The following LPIN1 variants were observed in gnomAD, a reference collection of about 807,000 sequenced individuals.
The protein encoded by LPIN1 is phosphatidate phosphatase LPIN1.
A neutral mutation model predicts 107.5 loss-of-function variants in LPIN1; 71 were observed. The ratio of observed to expected loss-of-function variants is 0.66; its 90% CI spans 0.55 to 0.80. The LOEUF is 0.80. LPIN1 is among the 30% of genes least tolerant of loss of function. The pLI is 0.00. For synonymous variants in LPIN1, 445 were observed against 452.6 expected (o/e 0.98, Z 0.21); for missense variants, 1,043 against 1,160.6 (o/e 0.90, Z 1.47).
chr2:11,704,396 G>A (rs998622702), intron 1 of LPIN1, among the ~76,000 whole-genome samples: 4 of 152,192 alleles, frequency 2.6e-5, no homozygotes, highest in African/African-American at 7.2e-5. Context: ...CCCCACCCGG[G>A]GGAGGCAGAG....
chr2:11,777,730 C>T (rs1047510262), intron 6 of LPIN1, among the ~76,000 whole-genome samples: 1 of 152,202 alleles, frequency 6.6e-6, no homozygotes, highest in Admixed American at 6.5e-5. Flanking sequence ...GACCCCTGTT[C>T]GGAGCAAGCT....
chr2:11,759,692 TG>T (rs1419495873), intron 1 of LPIN1, among the ~76,000 whole-genome samples: 1 of 152,260 alleles, frequency 6.6e-6, no homozygotes, highest in African/African-American at 2.4e-5. Flanking sequence ...AATGAGCTGT[TG>T]GGTACACCTC....
chr2:11,705,785 T>A (rs532357867), intron 1 of LPIN1, among the ~76,000 whole-genome samples: 24 of 152,352 alleles, frequency 1.6e-4, no homozygotes, highest in Admixed American at 5.2e-4. Context: ...ATGCTTTTTT[T>A]ATATTTACTT....
chr2:11,796,301 C>T (rs1676706127), intron 14 of LPIN1, among the ~76,000 whole-genome samples: 1 of 152,206 alleles, frequency 6.6e-6, no homozygotes, highest in Non-Finnish European at 1.5e-5. Flanking sequence ...TCAACCGTCA[C>T]TGAACCACTG....
chr2:11,811,865 G>A lies in LPIN1; in HGVS notation c.2250-3223G>A, dbSNP rs1347101095. ...CTGGGCGTGGTAGTGCATGCCTGTAGTCCCAGCTACTCAGGAGGCTGAGGC... is the reference window on the plus strand; with the variant it reads ...CTGGGCGTGGTAGTGCATGCCTGTAATCCCAGCTACTCAGGAGGCTGAGGC... On this transcript the variant is annotated intron_variant, in intron 17 of 20. Transcript: ENST00000674199. 4.6e-5 allele frequency among the ~76,000 whole-genome samples: 7 copies of A among 152,156 alleles called. No individual in the cohort carries two copies. The South Asian group carries it at 6.2e-4, about 14-fold the overall frequency.
upstream of LPIN1, among the ~76,000 whole-genome samples, chr2:11,742,603 ACT>A (rs61029200): frequency 3.0e-3 from 462 of 152,306 alleles, 4 homozygotes; most frequent in African/African-American, 0.011. Context: ...CATAGCAGCC[ACT>A]GTTTCTAAGT....
Position 11,785,059 on chromosome 2 carries a change from A to T in LPIN1, c.1532A>T (p.His511Leu). The T allele has an allele frequency of 6.3e-7, 1 of 1,586,588 alleles. No homozygotes were observed. Among genetic ancestry groups the T allele is most frequent in the Non-Finnish European group, 8.6e-7 (1 of 1,168,818 alleles). Reference protein sequence around the residue: ...AISLCGGLSDHREITKDAFLE... With the variant: ...AISLCGGLSDLREITKDAFLE... ...TCCCTCTGCGGGGGCCTCAGCGACCACCGGGAGATCACGAAAGGTACCGCG... is the reference window on the plus strand; with the variant it reads ...TCCCTCTGCGGGGGCCTCAGCGACCTCCGGGAGATCACGAAAGGTACCGCG... The change falls in exon 10 of 21, where the codon CAC becomes CTC. Residue 511 changes from histidine (H) to leucine (L), a missense_variant. Physicochemically the swap from His to Leu is moderately conservative, Grantham distance 99. Coordinates refer to ENST00000674199, the MANE Select transcript of LPIN1 (RefSeq NM_001349206.2).
Position 11,821,961 on chromosome 2 carries a change from G to A in LPIN1, c.2621+1447G>A, listed in dbSNP as rs943057913. ...GATTCCTTTCTTAACCCTTCCTTGC[G>A]GTTTCTGCCACCTCCACTGTTCTAA... On this transcript the variant is annotated intron_variant, in intron 20 of 20. Transcript: ENST00000674199. Among the ~76,000 whole-genome samples, 6 of 152,258 alleles carry A rather than the reference G, an allele frequency of 3.9e-5. No individual in the cohort carries two copies. In the East Asian group the frequency reaches 9.7e-4, roughly 25 times the overall value.
Position 11,824,931 on chromosome 2 carries a change from T to A in LPIN1, c.*140T>A. On this transcript the variant is annotated 3_prime_UTR_variant, in exon 21 of 21. Coordinates refer to ENST00000674199, the MANE Select transcript of LPIN1 (RefSeq NM_001349206.2). ...TGACAGCAGAGAGAATTGAGAAGCATTTCTCCCCTGCCCCACCCCGGGGCT... is the reference window on the plus strand; with the variant it reads ...TGACAGCAGAGAGAATTGAGAAGCAATTCTCCCCTGCCCCACCCCGGGGCT... The A allele has an allele frequency of 9.4e-6, 9 of 960,982 alleles. No homozygotes were observed. Among genetic ancestry groups the A allele is most frequent in the Non-Finnish European group, 1.4e-5 (9 of 630,404 alleles). 59.5% of individuals were successfully genotyped at this position (960,982 alleles called of 1,614,324 possible).
At chr2:11,720,694 A>G (rs966138031), upstream of LPIN1, among the ~76,000 whole-genome samples, 1 of 151,992 alleles carries the variant, frequency 6.6e-6, no homozygotes, top group African/African-American at 2.4e-5. Flanking sequence ...CCTGGGGAGA[A>G]ATGGTGGAGC....
In LPIN1 at chr2:11,729,189, T is replaced by C. The variant is rs146122821; in HGVS notation, c.-72+4650T>C. 2.0e-5 allele frequency among the ~76,000 whole-genome samples: 3 copies of C among 152,258 alleles called. No individual in the cohort carries two copies. In the East Asian group the frequency reaches 5.8e-4, roughly 29 times the overall value. ...GGAGGGAGAGCATTAGGACAAATACTTAATGCATGTGGGGCTTAAAACCTA... is the reference window on the plus strand; with the variant it reads ...GGAGGGAGAGCATTAGGACAAATACCTAATGCATGTGGGGCTTAAAACCTA... On this transcript the variant is annotated intron_variant, in intron 1 of 21. Transcript: ENST00000396097.
In LPIN1 at chr2:11,707,661, TC is replaced by T. The variant is rs1663193077; in HGVS notation, c.82-6094del. Among the ~76,000 whole-genome samples, 3 of 152,040 alleles carry T rather than the reference TC, an allele frequency of 2.0e-5. No homozygotes were observed. Among genetic ancestry groups the T allele is most frequent in the Non-Finnish European group, 4.4e-5 (3 of 67,994 alleles). ...GTGGTGCACGCACGGGGAGAAGTGC[TC>T]GGGGTCCCCCACTGGAGGTGGAGCT... On this transcript the variant is annotated intron_variant, in intron 1 of 21. Transcript: ENST00000449576. This position sits in a 1 kb window ranked among gnomAD's most constrained non-coding sequence, Gnocchi z 4.2.
chr2:11,739,592 A>G (rs1435755495), intron 1 of LPIN1, among the ~76,000 whole-genome samples: 1 of 152,216 alleles, frequency 6.6e-6, no homozygotes, highest in African/African-American at 2.4e-5. Flanking sequence ...TTGAACATCA[A>G]GGCTCAAAAA....
chr2:11,697,727 C>T lies in LPIN1; in HGVS notation c.82-16029C>T, dbSNP rs1039198642. 1.3e-5 allele frequency among the ~76,000 whole-genome samples: 2 copies of T among 152,206 alleles called. No individual in the cohort carries two copies. Among genetic ancestry groups the T allele is most frequent in the African/African-American group, 2.4e-5 (1 of 41,448 alleles). On this transcript the variant is annotated intron_variant, in intron 1 of 21. Coordinates refer to the LPIN1 transcript ENST00000449576. This position sits in a 1 kb window ranked among gnomAD's most constrained non-coding sequence, Gnocchi z 4.6. ...AATCACACTGAGTCATCCTGTTGGC[C>T]TTGCTGGTGTGTGAGTGCTGGCAGA...
In LPIN1 at chr2:11,805,099, C is replaced by A. The variant is rs754191514; in HGVS notation, c.2192C>A (p.Thr731Asn). The A allele has an allele frequency of 3.1e-6, 5 of 1,613,832 alleles. No homozygotes were observed. The Admixed American group carries it at 8.3e-5, about 27-fold the overall frequency. ...RSDTLGHILP[T>N]LGKDWTHQGI... ...GATACTCTTGGCCACATTTTGCCCA[C>A]CCTTGGGAAGGATTGGACCCATCAG... The change falls in exon 17 of 21, where the codon ACC becomes AAC. Residue 731 changes from threonine to asparagine, a missense_variant. Coordinates refer to ENST00000674199, the MANE Select transcript of LPIN1 (RefSeq NM_001349206.2).
At chr2:11,737,789 G>T (rs1035038286) in intron 1 of LPIN1, among the ~76,000 whole-genome samples, 3 of 152,154 alleles carry the variant, frequency 2.0e-5, no homozygotes, top group Non-Finnish European at 4.4e-5. Context: ...CTGTTGGTGG[G>T]TGTGTAAATT....
At chr2:11,809,578 G>A (rs563579486) in intron 17 of LPIN1, among the ~76,000 whole-genome samples, 19 of 152,238 alleles carry the variant, frequency 1.2e-4, no homozygotes, top group Non-Finnish European at 2.2e-4. Flanking sequence ...CACCACGCCC[G>A]GGTAATTTTG....
chr2:11,811,131 G>T (rs945705582), intron 17 of LPIN1, among the ~76,000 whole-genome samples: 1 of 152,186 alleles, frequency 6.6e-6, no homozygotes, highest in Non-Finnish European at 1.5e-5. Context: ...CTTCTGTGGG[G>T]CAGGGCTGTG....
chr2:11,712,221 G>A (rs550660208), intron 1 of LPIN1, among the ~76,000 whole-genome samples: 7 of 152,190 alleles, frequency 4.6e-5, no homozygotes, highest in South Asian at 4.1e-4. Context: ...ACATATGTGC[G>A]ATGACTTTGT....
Sources: allele counts gnomAD v4.1 joint callset (sites outside exome capture counted in the v4.1 genomes callset), GRCh38; gene constraint gnomAD v4.1.1; non-coding constraint Gnocchi (gnomAD v3.1); transcripts MANE v1.5; gene names NCBI Gene and HGNC (gene_info 2026-07-23, HGNC 2026-07-21).